Variants in UTRN observed in about 807,000 individuals in gnomAD.
UTRN encodes the protein dystrophin-related protein 1.
Under a neutral mutation model 463.9 loss-of-function variants are expected in UTRN, and 283 were observed. The observed-to-expected ratio is 0.61, with a 90% CI of 0.55 to 0.67. The LOEUF (loss-of-function observed/expected upper bound fraction) is 0.67. Ranked by LOEUF, UTRN falls within the 30% of genes least tolerant of loss-of-function variation. UTRN has a pLI of 0.00. For synonymous variants in UTRN, 1,442 were observed against 1,431.5 expected (o/e 1.01, Z -0.17); for missense variants, 3,922 against 4,084.3 (o/e 0.96, Z 1.08).
At chr6:144,828,924 C>G (rs1000809078) in intron 69 of UTRN, 69 bp downstream of exon 69, 2 of 1,528,630 alleles carry the variant, frequency 1.3e-6, no homozygotes, top group Non-Finnish European at 1.8e-6. Context: ...CAGAAACAAT[C>G]TTCACTGATG....
At chr6:144,559,087 A>G (rs1474122683) in intron 50 of UTRN, among the ~76,000 whole-genome samples, 1 of 150,888 alleles carries the variant, frequency 6.6e-6, no homozygotes, top group Non-Finnish European at 1.5e-5. Context: ...TGCTTTATTT[A>G]GCACCTCCAA....
chr6:144,310,851 T>A (rs1258212429), intron 2 of UTRN, among the ~76,000 whole-genome samples: 1 of 152,238 alleles, frequency 6.6e-6, no homozygotes, highest in Non-Finnish European at 1.5e-5. Flanking sequence ...TCTTTGTTGA[T>A]CTTTATTGTC....
chr6:144,812,594 A>G (rs1469177276), intron 65 of UTRN, among the ~76,000 whole-genome samples: 3 of 152,244 alleles, frequency 2.0e-5, no homozygotes, highest in African/African-American at 7.2e-5. Flanking sequence ...AAGATAGAGT[A>G]ACTCTAAATT....
At position 144,437,742 on chromosome 6, in the gene UTRN, TC is replaced by T. The variant is rs750728105; in HGVS notation, c.1240del (p.Arg414GlyfsTer6). The T allele has an allele frequency of 6.2e-7, 1 of 1,609,478 alleles. No individual in the cohort carries two copies. Among genetic ancestry groups the T allele is most frequent in the Non-Finnish European group, 8.5e-7 (1 of 1,178,510 alleles). On this transcript the variant is annotated frameshift_variant, in exon 11 of 75. Coordinates refer to ENST00000367545, the MANE Select transcript of UTRN (RefSeq NM_007124.3). LOFTEE classifies it high-confidence loss of function. The part of the protein sequence containing the change: ...ALRVESMDRQ[S>X]RLHDVLMELQ... ...TAGGGTGGAGAGTATGGACAGACAG[TC>T]CCGGTGAGTGGAAAGCCAAGAAATG...
intron 65 of UTRN, 23 bp from the exon 66 acceptor site, chr6:144,820,859 T>A (rs1586712267): frequency 1.2e-6 from 2 of 1,604,902 alleles, no homozygotes; most frequent in Non-Finnish European, 8.5e-7. Flanking sequence ...CTGAGAGAAG[T>A]GTAATTGTTT....
At chr6:144,679,061 C>T (rs1156807728) in intron 52 of UTRN, among the ~76,000 whole-genome samples, 1 of 152,068 alleles carries the variant, frequency 6.6e-6, no homozygotes, top group Non-Finnish European at 1.5e-5. Flanking sequence ...TTACTCTTGG[C>T]AGTGAACATG....
Position 144,751,959 on chromosome 6 carries a change from G to C in UTRN, c.8355+7G>C. 3 of 1,600,524 alleles carry C rather than the reference G, an allele frequency of 1.9e-6. No individual in the cohort carries two copies. The highest frequency in any genetic ancestry group is 2.6e-6 in the Non-Finnish European group (3 of 1,174,524). ...GCGATGGAAACTTTTACAGGTATCA[G>C]CTTATTCCCCTTCATAATGCAGGCT... On this transcript the variant is annotated splice_region_variant and intron_variant, in intron 56 of 74. Transcript: ENST00000367545.
intron 53 of UTRN, among the ~76,000 whole-genome samples, chr6:144,715,167 G>A (rs996544484): frequency 6.6e-6 from 1 of 152,034 alleles, no homozygotes; most frequent in East Asian, 1.9e-4. Flanking sequence ...TCCTGAATTG[G>A]CCCCTATAAC....
At chr6:144,587,021 A>G (rs1423156333) in intron 51 of UTRN, among the ~76,000 whole-genome samples, 1 of 152,200 alleles carries the variant, frequency 6.6e-6, no homozygotes, top group Non-Finnish European at 1.5e-5. Flanking sequence ...AAAATTATAC[A>G]TATATGCCAT....
At chr6:144,292,997 A>G (rs1394330954) in intron 2 of UTRN, among the ~76,000 whole-genome samples, 1 of 152,224 alleles carries the variant, frequency 6.6e-6, no homozygotes, top group African/African-American at 2.4e-5. Flanking sequence ...GTAAATATGT[A>G]GCAACTATTG....
intron 51 of UTRN, among the ~76,000 whole-genome samples, chr6:144,646,157 A>C (rs2128664319): frequency 6.6e-6 from 1 of 152,272 alleles, no homozygotes; most frequent in Non-Finnish European, 1.5e-5. Flanking sequence ...AGATTAAGAA[A>C]ATTAGTGGTT....
chr6:144,577,232 C>T lies in UTRN; in HGVS notation c.7423C>T (p.Arg2475Trp), dbSNP rs779374488. The T allele has an allele frequency of 4.9e-5, 79 of 1,613,792 alleles. 1 individual carries two copies. The highest frequency in any genetic ancestry group is 3.5e-4 in the South Asian group (32 of 91,074). Residue 2475 changes from arginine (R) to tryptophan (W), a missense_variant, in exon 51 of 75, where the codon CGG becomes TGG. Arg to Trp is a moderately radical substitution (Grantham distance 101). This residue lies in a region of UTRN where 1,309 missense variants were observed against 1,452.6 expected (regional missense o/e 0.90). Coordinates refer to ENST00000367545, the MANE Select transcript of UTRN (RefSeq NM_007124.3). ...GAATGTGCTTGTGGATGCCTCTCATCGGGAGAATGCTCTTCAGGATAGTAT... is the reference window on the plus strand; with the variant it reads ...GAATGTGCTTGTGGATGCCTCTCATTGGGAGAATGCTCTTCAGGATAGTAT... ...TVNVLVDASH[R>W]ENALQDSILA...
chr6:144,413,665 C>T (rs1340370524), intron 3 of UTRN, among the ~76,000 whole-genome samples: 1 of 152,176 alleles, frequency 6.6e-6, no homozygotes, highest in Non-Finnish European at 1.5e-5. Context: ...TGTGGTGATG[C>T]TGTTGTAAAC....
At chr6:144,682,537 T>C (rs948641682) in intron 52 of UTRN, among the ~76,000 whole-genome samples, 1 of 152,168 alleles carries the variant, frequency 6.6e-6, no homozygotes, top group African/African-American at 2.4e-5. Flanking sequence ...GCCCTATTTT[T>C]AGTTTTTTGT....
intron 35 of UTRN, among the ~76,000 whole-genome samples, chr6:144,512,019 G>A (rs1260267217): frequency 2.0e-5 from 3 of 151,952 alleles, no homozygotes; most frequent in Non-Finnish European, 4.4e-5. Flanking sequence ...GGATGTGTAG[G>A]GCAGTGAAGA....
intron 2 of UTRN, among the ~76,000 whole-genome samples, chr6:144,370,074 C>A (rs1252685453): frequency 6.6e-6 from 1 of 152,120 alleles, no homozygotes; most frequent in African/African-American, 2.4e-5. Context: ...AATTAAGATA[C>A]CTGACAATGT....
chr6:144,566,058 A>G (rs1001996998), intron 50 of UTRN, among the ~76,000 whole-genome samples: 2 of 152,194 alleles, frequency 1.3e-5, no homozygotes, highest in African/African-American at 2.4e-5. Flanking sequence ...TAAGAAAGTG[A>G]GATTTAGAGA....
intron 2 of UTRN, among the ~76,000 whole-genome samples, chr6:144,310,159 C>T (rs549881315): frequency 2.6e-5 from 4 of 152,360 alleles, no homozygotes; most frequent in Admixed American, 1.3e-4. Flanking sequence ...AATAAATACA[C>T]GTGTGCAGAA....
rs557438053 is a variant in UTRN, at chr6:144,379,367, C to T, written c.80-23756C>T. 1.1e-4 allele frequency among the ~76,000 whole-genome samples: 17 copies of T among 152,238 alleles called. 1 individual carries two copies. In the South Asian group the frequency reaches 3.5e-3, roughly 32 times the overall value. On this transcript the variant is annotated intron_variant, in intron 2 of 74. Transcript: ENST00000367545. Reference sequence around the variant, plus strand: ...GCACTCAAGATGCTGGCCAGGGTTGCCATCATCTGAAGCTTGACCGAGGCT... The same window carrying T: ...GCACTCAAGATGCTGGCCAGGGTTGTCATCATCTGAAGCTTGACCGAGGCT...
Sources: allele counts gnomAD v4.1 joint callset (sites outside exome capture counted in the v4.1 genomes callset), GRCh38; gene constraint gnomAD v4.1.1; regional missense constraint gnomAD v4.1.1; transcripts MANE v1.5; gene names NCBI Gene and HGNC (gene_info 2026-07-23, HGNC 2026-07-21).